Variants in DISP1 observed in about 807,000 individuals in gnomAD.
DISP1 encodes protein dispatched homolog 1.
Under a neutral mutation model 37.3 loss-of-function variants are expected in DISP1, and 30 were observed. That is an observed-to-expected ratio of 0.80 (90% CI 0.60 to 1.09). The LOEUF (loss-of-function observed/expected upper bound fraction) is 1.09, where lower values mean the gene tolerates loss of function less well. DISP1 is among the 50% of genes least tolerant of loss of function. The probability of loss-of-function intolerance (pLI) is 0.00; values close to 1 mark genes in which losing one functional copy is unlikely to be tolerated. For missense variants in DISP1, 1,598 were observed against 1,879.5 expected (o/e 0.85, Z 2.77); for synonymous variants, 634 against 690.2 (o/e 0.92, Z 1.28).
chr1:222,835,420 C>T (rs1166774440), intron 1 of DISP1, among the ~76,000 whole-genome samples: 1 of 152,136 alleles, frequency 6.6e-6, no homozygotes, highest in African/African-American at 2.4e-5. Context: ...TTCCCAATCT[C>T]AGTGAGCACT....
intron 1 of DISP1, among the ~76,000 whole-genome samples, chr1:222,888,289 A>G (rs532962370): frequency 4.1e-4 from 62 of 152,326 alleles, no homozygotes; most frequent in Admixed American, 7.8e-4. Context: ...TGAGTATCAC[A>G]TATGAAATAT....
At chr1:222,908,090 C>T (rs775577977) in intron 1 of DISP1, among the ~76,000 whole-genome samples, 48 of 152,166 alleles carry the variant, frequency 3.2e-4, no homozygotes, top group African/African-American at 8.2e-4. Context: ...TTCAGCTTCA[C>T]GGGTGGAACA....
At chr1:222,830,341 C>T (rs1257006754) in intron 1 of DISP1, among the ~76,000 whole-genome samples, 1 of 151,502 alleles carries the variant, frequency 6.6e-6, no homozygotes, top group Admixed American at 6.6e-5. Context: ...TTTATTTCAT[C>T]TTTCTTTCCT....
intron 3 of DISP1, among the ~76,000 whole-genome samples, chr1:222,951,005 AG>A (rs1211714738): frequency 2.0e-5 from 3 of 152,226 alleles, no homozygotes; most frequent in Non-Finnish European, 4.4e-5. Flanking sequence ...TTATCATGAT[AG>A]GGAACCTGTG....
intron 3 of DISP1, among the ~76,000 whole-genome samples, chr1:222,970,128 A>C (rs146340149): frequency 0.013 from 2,056 of 152,298 alleles, 25 homozygotes; most frequent in Middle Eastern, 0.037. Flanking sequence ...TCTTCTGATA[A>C]AACTCACTCG....
intron 4 of DISP1, 22 bp from the exon 5 acceptor site, chr1:222,990,603 G>A (rs193045651): frequency 2.2e-5 from 36 of 1,613,570 alleles, no homozygotes; most frequent in African/African-American, 1.2e-4. Context: ...TCTGATAGCC[G>A]ACACTTCTTT....
chr1:223,004,168 T>C lies in DISP1; in HGVS notation c.2771T>C (p.Val924Ala), dbSNP rs1276874869. The C allele has an allele frequency of 6.2e-7, 1 of 1,614,062 alleles. No homozygotes were observed. The highest frequency in any genetic ancestry group is 1.7e-5 in the Admixed American group (1 of 60,014). ...ATCAATGATACTATCAGGGCAGTGG[T>C]GTTAGAGTTCCAGAGTACCTACCTC... ...FDINDTIRAV[V>A]LEFQSTYLFT... Residue 924 changes from valine (V) to alanine (A), a missense_variant, in exon 9 of 9, where the codon GTG becomes GCG. Physicochemically the swap from Val to Ala is moderately conservative, Grantham distance 64. Coordinates refer to ENST00000675850, the MANE Select transcript of DISP1 (RefSeq NM_001377229.1). The surrounding 1 kb of genome is among the most constrained non-coding windows in gnomAD (Gnocchi z 4.9).
At chr1:222,842,083 C>A (rs924381787) in intron 1 of DISP1, among the ~76,000 whole-genome samples, 1 of 151,946 alleles carries the variant, frequency 6.6e-6, no homozygotes, top group Non-Finnish European at 1.5e-5. Context: ...GTTTAGTGGT[C>A]TAGGAAAGAG....
At chr1:222,883,447 G>T (rs539004030) in intron 1 of DISP1, among the ~76,000 whole-genome samples, 4 of 152,004 alleles carry the variant, frequency 2.6e-5, no homozygotes, top group Non-Finnish European at 5.9e-5. Flanking sequence ...GTAAAACCGC[G>T]TCGCTACTAA....
chr1:222,869,658 A>G (rs1379537870), intron 1 of DISP1, among the ~76,000 whole-genome samples: 1 of 152,180 alleles, frequency 6.6e-6, no homozygotes. Context: ...ACAGGCTACA[A>G]AAGAAGAAAA....
intron 1 of DISP1, among the ~76,000 whole-genome samples, chr1:222,895,666 G>A (rs115643947): frequency 1.6e-3 from 238 of 152,258 alleles, no homozygotes; most frequent in Middle Eastern, 6.8e-3. Flanking sequence ...ATACATGGCC[G>A]GCTGATTTTT....
At chr1:222,999,301 CACTA>C (rs1337969285) in intron 8 of DISP1, among the ~76,000 whole-genome samples, 1 of 152,112 alleles carries the variant, frequency 6.6e-6, no homozygotes, top group African/African-American at 2.4e-5. Flanking sequence ...AAGTTGCTTC[CACTA>C]ACTCCATTTT....
At chr1:222,972,635 A>G (rs956087555) in intron 3 of DISP1, among the ~76,000 whole-genome samples, 4 of 152,022 alleles carry the variant, frequency 2.6e-5, no homozygotes, top group Admixed American at 6.6e-5. Flanking sequence ...CTGTTTCTCT[A>G]TCTGAAACCT....
chr1:222,865,704 A>G (rs767438187), intron 1 of DISP1, among the ~76,000 whole-genome samples: 3 of 152,180 alleles, frequency 2.0e-5, no homozygotes, highest in Admixed American at 1.3e-4. Flanking sequence ...TTGTCATATC[A>G]TAGATTCCCT....
intron 1 of DISP1, among the ~76,000 whole-genome samples, chr1:222,860,899 AAG>A (rs1342341002): frequency 6.6e-6 from 1 of 152,096 alleles, no homozygotes; most frequent in Non-Finnish European, 1.5e-5. Flanking sequence ...AAACAAAAAA[AAG>A]AAAGTGATTG....
At chr1:222,870,876 C>A (rs1669526346) in intron 1 of DISP1, among the ~76,000 whole-genome samples, 1 of 152,090 alleles carries the variant, frequency 6.6e-6, no homozygotes, top group South Asian at 2.1e-4. Flanking sequence ...ATGCCTATGT[C>A]CTGAATGGTA....
Position 222,928,544 on chromosome 1 carries a change from A to AG in DISP1, c.-43dup, listed in dbSNP as rs1478913685. On this transcript the variant is annotated 5_prime_UTR_variant, in exon 2 of 9. Transcript: ENST00000675850. ...GCAATCATTTGCACCAAACTGAGCC[A>AG]GAGAAGTTCCCTCTTTTAACATAAA... 5.9e-5 allele frequency: 9 copies of AG among 152,370 alleles called. No individual in the cohort carries two copies. Among genetic ancestry groups the AG allele is most frequent in the African/African-American group, 2.2e-4 (9 of 41,594 alleles). The allele number at this position is 152,370 out of a possible 1,614,324, so 9.4% of individuals were successfully genotyped here. A position where few individuals can be genotyped will look rare whatever the true frequency, so the allele number is the denominator to read the frequency against.
chr1:222,890,182 T>C (rs1191412265), intron 1 of DISP1, among the ~76,000 whole-genome samples: 1 of 152,198 alleles, frequency 6.6e-6, no homozygotes, highest in Admixed American at 6.5e-5. Context: ...TAATCATTAG[T>C]GAGCAAAACA....
At chr1:222,907,653 T>C (rs888278509) in intron 1 of DISP1, among the ~76,000 whole-genome samples, 10 of 152,212 alleles carry the variant, frequency 6.6e-5, no homozygotes, top group African/African-American at 1.9e-4. Context: ...AATTGAATGA[T>C]TTAAAGATTT....
Sources: gnomAD v4.1 joint callset for allele counts (sites outside exome capture counted in the v4.1 genomes callset) on GRCh38, gnomAD v4.1.1 for gene constraint, Gnocchi (gnomAD v3.1) non-coding constraint, MANE v1.5 for transcripts, NCBI Gene and HGNC (gene_info 2026-07-23, HGNC 2026-07-21) for gene names.